The following MREG variants were observed in gnomAD, a reference collection of about 807,000 sequenced individuals.
The protein encoded by MREG is dilute suppressor protein homolog.
MREG carries 31 observed loss-of-function variants against 28.5 expected under a neutral mutation model. The ratio of observed to expected loss-of-function variants is 1.09; its 90% CI spans 0.82 to 1.47. The LOEUF (loss-of-function observed/expected upper bound fraction) is 1.47. Ranked by LOEUF, MREG falls within the 40% of genes most tolerant of loss-of-function variation. The probability of loss-of-function intolerance (pLI) is 0.00; values close to 1 mark genes in which losing one functional copy is unlikely to be tolerated. For missense variants in MREG, 256 were observed against 257.4 expected (o/e 0.99, Z 0.04); for synonymous variants, 106 against 95.2 (o/e 1.11, Z -0.66).
intron 2 of MREG, among the ~76,000 whole-genome samples, chr2:215,982,290 C>T (rs574944448): frequency 6.7e-6 from 1 of 149,196 alleles, no homozygotes; most frequent in South Asian, 2.1e-4. Flanking sequence ...CATTGCACTC[C>T]AGCCTGGGTG....
At chr2:215,948,469 G>A (rs1692379511) in intron 2 of MREG, among the ~76,000 whole-genome samples, 1 of 152,246 alleles carries the variant, frequency 6.6e-6, no homozygotes, top group South Asian at 2.1e-4. Flanking sequence ...GACAAAATCT[G>A]TGACCTTGGA....
Position 215,972,436 on chromosome 2 carries a change from A to T in MREG, c.255+23870T>A, listed in dbSNP as rs189119832. Among the ~76,000 whole-genome samples the T allele has an allele frequency of 2.0e-3, 312 of 152,238 alleles. 2 individuals are homozygous for T. Among genetic ancestry groups the T allele is most frequent in the Middle Eastern group, 6.8e-3 (2 of 294 alleles). ...GGCAAGTGGATCACTTGAGGCCAGG[A>T]GTTAGAGACCAGCCTAGCCAACATG... On this transcript the variant is annotated intron_variant, in intron 2 of 4. Coordinates refer to ENST00000263268, the MANE Select transcript of MREG (RefSeq NM_018000.3).
chr2:215,943,449 C>T lies in MREG; in HGVS notation c.*1414G>A, dbSNP rs2105962407. Reference sequence around the variant, plus strand: ...CAAGTCTGCATGAGAGGTCCCCCCACAGGTGCAGCTGCCAGCCAACGAATC... The same window carrying T: ...CAAGTCTGCATGAGAGGTCCCCCCATAGGTGCAGCTGCCAGCCAACGAATC... On this transcript the variant is annotated 3_prime_UTR_variant, in exon 5 of 5. Transcript: ENST00000263268. 2.2e-6 allele frequency: 1 copy of T among 456,766 alleles called. No homozygotes were observed. The highest frequency in any genetic ancestry group is 6.9e-5 in the East Asian group (1 of 14,398). The allele number at this position is 456,766 out of a possible 1,614,324, so 28.3% of individuals were successfully genotyped here. A position where few individuals can be genotyped will look rare whatever the true frequency, so the allele number is the denominator to read the frequency against.
chr2:215,993,202 G>T (rs1207696412), intron 2 of MREG, among the ~76,000 whole-genome samples: 1 of 152,138 alleles, frequency 6.6e-6, no homozygotes, highest in Non-Finnish European at 1.5e-5. Flanking sequence ...AAACAACACA[G>T]TACTAGTACC....
intron 2 of MREG, among the ~76,000 whole-genome samples, chr2:215,961,189 C>T (rs1290146936): frequency 6.6e-6 from 1 of 152,238 alleles, no homozygotes; most frequent in Non-Finnish European, 1.5e-5. Flanking sequence ...CTTAGAGGGG[C>T]CGTCAATAAC....
intron 1 of MREG, among the ~76,000 whole-genome samples, chr2:216,021,483 A>T (rs1294773173): frequency 2.0e-5 from 3 of 152,202 alleles, no homozygotes; most frequent in Non-Finnish European, 4.4e-5. Flanking sequence ...TTAGAGTGCA[A>T]CATATAAAGA....
rs545725433 is a variant in MREG, at chr2:215,947,238, A to T, written c.256-125T>A. 219 of 627,120 alleles carry T rather than the reference A, an allele frequency of 3.5e-4. 4 individuals are homozygous for T. In the South Asian group the frequency reaches 3.9e-3, roughly 11 times the overall value. The allele number at this position is 627,120 out of a possible 1,614,324, so 38.8% of individuals were successfully genotyped here. A position where few individuals can be genotyped will look rare whatever the true frequency, so the allele number is the denominator to read the frequency against. The stretch of plus-strand genomic sequence containing the variant: ...TTATTAATCTTCAAAGCAAGCCTAA[A>T]AGAAGAGAAGGAGATGGATGAGATA... On this transcript the variant is annotated intron_variant, in intron 2 of 4. Coordinates refer to ENST00000263268, the MANE Select transcript of MREG (RefSeq NM_018000.3).
intron 1 of MREG, among the ~76,000 whole-genome samples, chr2:216,032,390 T>C (rs551247333): frequency 6.6e-6 from 1 of 152,350 alleles, no homozygotes; most frequent in African/African-American, 2.4e-5. Flanking sequence ...GCATATGAAC[T>C]CAGGTACAAC....
intron 1 of MREG, among the ~76,000 whole-genome samples, chr2:215,998,545 G>A (rs1693934241): frequency 6.6e-6 from 1 of 152,120 alleles, no homozygotes; most frequent in Admixed American, 6.6e-5. Flanking sequence ...CTGGCCCTAT[G>A]GGGAAAGGTG....
intron 2 of MREG, among the ~76,000 whole-genome samples, chr2:215,955,861 A>G (rs986790141): frequency 1.3e-5 from 2 of 152,216 alleles, no homozygotes; most frequent in African/African-American, 4.8e-5. Flanking sequence ...GAAATGTGAA[A>G]TAGATAATAC....
chr2:216,012,119 T>G (rs1694329476), intron 1 of MREG, among the ~76,000 whole-genome samples: 1 of 152,118 alleles, frequency 6.6e-6, no homozygotes, highest in South Asian at 2.1e-4. Flanking sequence ...AAGAGGAAGA[T>G]GGATAAGGGC....
At chr2:216,004,368 A>G (rs1200119244) in intron 1 of MREG, among the ~76,000 whole-genome samples, 1 of 152,074 alleles carries the variant, frequency 6.6e-6, no homozygotes, top group Non-Finnish European at 1.5e-5. Flanking sequence ...CGCCACCACC[A>G]CTAGAACAAA....
intron 2 of MREG, among the ~76,000 whole-genome samples, chr2:215,974,710 C>T (rs930444017): frequency 1.3e-5 from 2 of 151,894 alleles, no homozygotes; most frequent in African/African-American, 2.4e-5. Flanking sequence ...GAATCTTAGA[C>T]CCTTGGAAAG....
chr2:215,968,233 C>T (rs73988065), intron 2 of MREG, among the ~76,000 whole-genome samples: 3,688 of 152,178 alleles, frequency 0.024, 169 homozygotes, highest in African/African-American at 0.085. Flanking sequence ...CCCCAGGAAC[C>T]CCTTCTGCTG....
chr2:215,992,866 A>G (rs1014663689), intron 2 of MREG, among the ~76,000 whole-genome samples: 1 of 152,220 alleles, frequency 6.6e-6, no homozygotes, highest in African/African-American at 2.4e-5. Context: ...AGGGATGTGA[A>G]AGACCTCTTC....
chr2:216,028,894 C>A (rs1694637877), intron 1 of MREG, among the ~76,000 whole-genome samples: 1 of 151,338 alleles, frequency 6.6e-6, no homozygotes, highest in African/African-American at 2.4e-5. Flanking sequence ...TTAGTTACAC[C>A]ACAATAAAGA....
intron 1 of MREG, among the ~76,000 whole-genome samples, chr2:216,021,272 C>T (rs988727796): frequency 1.1e-4 from 17 of 152,140 alleles, no homozygotes; most frequent in African/African-American, 3.1e-4. Flanking sequence ...CTCAGCCTCC[C>T]GAGTAGCTGG....
intron 1 of MREG, among the ~76,000 whole-genome samples, chr2:216,008,043 T>G (rs544406657): frequency 6.6e-6 from 1 of 152,172 alleles, no homozygotes; most frequent in African/African-American, 2.4e-5. Flanking sequence ...TATTCACTAA[T>G]TCAGTGTTCA....
downstream of MREG, among the ~76,000 whole-genome samples, chr2:215,940,851 G>A (rs748112925): frequency 7.9e-5 from 12 of 152,126 alleles, no homozygotes; most frequent in African/African-American, 2.4e-4. Context: ...TTGTGTGTGT[G>A]CGCGCGTGTG....
Sources: allele counts gnomAD v4.1 joint callset (sites outside exome capture counted in the v4.1 genomes callset), GRCh38; gene constraint gnomAD v4.1.1; transcripts MANE v1.5; gene names NCBI Gene and HGNC (gene_info 2026-07-23, HGNC 2026-07-21).